SMIM31: variants seen among roughly 807,000 people sequenced by gnomAD.
SMIM31 encodes the protein small integral membrane protein 31.
intron 2 of SMIM31, among the ~76,000 whole-genome samples, chr4:164,784,654 T>C (rs2110950062): frequency 6.6e-6 from 1 of 152,210 alleles, no homozygotes; most frequent in African/African-American, 2.4e-5. Context: ...AGTGCTGAAA[T>C]GGAAATAAGA....
chr4:164,765,816 T>A (rs1732713120), intron 1 of SMIM31, among the ~76,000 whole-genome samples: 1 of 152,076 alleles, frequency 6.6e-6, no homozygotes. Flanking sequence ...AAACACTAAA[T>A]TCCCACTGCC....
intron 1 of SMIM31, among the ~76,000 whole-genome samples, chr4:164,758,903 C>T (rs1043627622): frequency 6.2e-5 from 9 of 144,100 alleles, no homozygotes; most frequent in Non-Finnish European, 1.4e-4. Flanking sequence ...CTCCTGACCT[C>T]GTGATCTGCC....
In SMIM31 at chr4:164,796,983, C is replaced by T. The variant is rs142444810; in HGVS notation, c.113-4108C>T. On this transcript the variant is annotated intron_variant, in intron 2 of 2. Transcript: ENST00000507311. ...CTTTTCCGTATCTGTCTCTAAGGCCCTTGACTACACTGTTCTTCCAGCTGT... is the reference window on the plus strand; with the variant it reads ...CTTTTCCGTATCTGTCTCTAAGGCCTTTGACTACACTGTTCTTCCAGCTGT... Among the ~76,000 whole-genome samples the T allele has an allele frequency of 4.0e-3, 615 of 152,304 alleles. 8 individuals carry two copies. The highest frequency in any genetic ancestry group is 0.027 in the South Asian group (129 of 4,826).
intron 2 of SMIM31, among the ~76,000 whole-genome samples, chr4:164,774,680 T>C (rs1732857553): frequency 6.6e-6 from 1 of 152,234 alleles, no homozygotes; most frequent in African/African-American, 2.4e-5. Context: ...CCATTATTTG[T>C]CTAAAATTAA....
In SMIM31 at chr4:164,758,801, A is replaced by ATTTTTTTTTTTTT. The variant is rs35632469; in HGVS notation, c.-26+4418_-26+4430dup. Among the ~76,000 whole-genome samples, 140 of 60,910 alleles carry ATTTTTTTTTTTTT rather than the reference A, an allele frequency of 2.3e-3. 5 individuals carry two copies. Among genetic ancestry groups the ATTTTTTTTTTTTT allele is most frequent in the South Asian group, 4.0e-3 (5 of 1,238 alleles). 40.0% of individuals were successfully genotyped at this position (60,910 alleles called of 152,430 possible). A position where few individuals can be genotyped will look rare whatever the true frequency, so the allele number is the denominator to read the frequency against. ...GGCGCCCGCCACCACGCCCGGCCAA[A>ATTTTTTTTTTTTT]TTTTTTTTTTTTTTTTTTTTTTTTT... On this transcript the variant is annotated intron_variant, in intron 1 of 2. Transcript: ENST00000507311.
Position 164,770,400 on chromosome 4 carries a change from T to C in SMIM31, c.-25-19T>C. On this transcript the variant is annotated intron_variant, in intron 1 of 2. Transcript: ENST00000507311. ...TCTGGATTAGAGTATGCTGAGCCCA[T>C]GTTTTATTCCTATTGTAGGTGAAGA... 2.5e-6 allele frequency: 1 copy of C among 398,828 alleles called. No homozygotes were observed. Among genetic ancestry groups the C allele is most frequent in the African/African-American group, 2.1e-5 (1 of 48,764 alleles). 24.7% of individuals were successfully genotyped at this position (398,828 alleles called of 1,614,324 possible).
At chr4:164,788,630 C>T (rs1365356264) in intron 2 of SMIM31, among the ~76,000 whole-genome samples, 2 of 151,162 alleles carry the variant, frequency 1.3e-5, no homozygotes, top group Non-Finnish European at 2.9e-5. Context: ...GCTGGGATTA[C>T]AGGCATGCAC....
intron 2 of SMIM31, among the ~76,000 whole-genome samples, chr4:164,778,163 G>A (rs566746221): frequency 6.6e-6 from 1 of 152,320 alleles, no homozygotes; most frequent in South Asian, 2.1e-4. Context: ...CAAGGCAGGA[G>A]GATGGCTTGA....
intron 1 of SMIM31, among the ~76,000 whole-genome samples, chr4:164,757,954 G>C (rs1732587036): frequency 6.7e-6 from 1 of 149,070 alleles, no homozygotes; most frequent in Non-Finnish European, 1.5e-5. Flanking sequence ...AGCATGATAA[G>C]ATTATGACTA....
At chr4:164,757,137 GATTTT>G (rs1322010107) in intron 1 of SMIM31, among the ~76,000 whole-genome samples, 1 of 152,066 alleles carries the variant, frequency 6.6e-6, no homozygotes, top group Non-Finnish European at 1.5e-5. Context: ...ATCTTATTGT[GATTTT>G]ATTTGCGTGT....
chr4:164,768,513 G>A (rs1457620435), intron 1 of SMIM31, among the ~76,000 whole-genome samples: 1 of 151,468 alleles, frequency 6.6e-6, no homozygotes, highest in African/African-American at 2.4e-5. Flanking sequence ...CATGAGCTAT[G>A]TGTCCAGAAA....
intron 2 of SMIM31, among the ~76,000 whole-genome samples, chr4:164,788,716 C>T (rs1733062107): frequency 6.6e-6 from 1 of 151,230 alleles, no homozygotes; most frequent in South Asian, 2.1e-4. Context: ...GAACTCCTGA[C>T]CTCAGGTGAT....
intron 2 of SMIM31, among the ~76,000 whole-genome samples, chr4:164,771,161 A>G (rs1368431128): frequency 6.6e-6 from 1 of 152,234 alleles, no homozygotes; most frequent in East Asian, 1.9e-4. Context: ...GTGAATTAAA[A>G]GACTATTCTA....
At chr4:164,760,816 T>C (rs1732637263) in intron 1 of SMIM31, among the ~76,000 whole-genome samples, 1 of 148,742 alleles carries the variant, frequency 6.7e-6, no homozygotes, top group African/African-American at 2.5e-5. Flanking sequence ...GAAAGAAAGA[T>C]AGGAGTCAAG....
intron 2 of SMIM31, among the ~76,000 whole-genome samples, chr4:164,781,534 C>T (rs1399232475): frequency 6.6e-6 from 1 of 152,168 alleles, no homozygotes; most frequent in African/African-American, 2.4e-5. Flanking sequence ...GTTAGTGTTT[C>T]TCAACCTCAT....
At chr4:164,782,252 T>C (rs944724332) in intron 2 of SMIM31, among the ~76,000 whole-genome samples, 1 of 151,612 alleles carries the variant, frequency 6.6e-6, no homozygotes, top group Non-Finnish European at 1.5e-5. Flanking sequence ...ACCGCGCCAT[T>C]GCACTCCACC....
At chr4:164,783,942 C>A (rs906024785) in intron 2 of SMIM31, among the ~76,000 whole-genome samples, 1 of 152,136 alleles carries the variant, frequency 6.6e-6, no homozygotes, top group Non-Finnish European at 1.5e-5. Flanking sequence ...TTCTTCATGA[C>A]ATAACATTTT....
intron 2 of SMIM31, among the ~76,000 whole-genome samples, chr4:164,796,091 A>G (rs1168741796): frequency 6.6e-6 from 1 of 152,216 alleles, no homozygotes; most frequent in African/African-American, 2.4e-5. Context: ...GAATTTGCTT[A>G]CCCAAAATAT....
Position 164,754,412 on chromosome 4 carries a change from GT to G in SMIM31, c.-26+2del, listed in dbSNP as rs1732525209. 1.3e-5 allele frequency: 2 copies of G among 150,728 alleles called. No individual in the cohort carries two copies. Among genetic ancestry groups the G allele is most frequent in the African/African-American group, 4.9e-5 (2 of 41,078 alleles). 9.3% of individuals were successfully genotyped at this position (150,728 alleles called of 1,614,324 possible). A position where few individuals can be genotyped will look rare whatever the true frequency, so the allele number is the denominator to read the frequency against. On this transcript the variant is annotated splice_donor_variant, in intron 1 of 2. Transcript: ENST00000507311. LOFTEE classifies it low-confidence loss of function (5UTR_SPLICE). ...ACTCTCAGGGACAGGAATGCTTCTG[GT>G]AAGTTTTTATAAATCCCCTATTTTA...
Sources: allele counts gnomAD v4.1 joint callset (sites outside exome capture counted in the v4.1 genomes callset), GRCh38; gene constraint gnomAD v4.1.1; transcripts MANE v1.5; gene names NCBI Gene and HGNC (gene_info 2026-07-23, HGNC 2026-07-21).